GP6: variants seen among roughly 807,000 people sequenced by gnomAD.
GP6 encodes glycoprotein VI platelet, also known as platelet glycoprotein VI.
GP6 carries 45 observed loss-of-function variants against 37.3 expected under a neutral mutation model. That is an observed-to-expected ratio of 1.21 (90% CI 0.95 to 1.55). The LOEUF (loss-of-function observed/expected upper bound fraction) is 1.55. Ranked by LOEUF, GP6 falls within the 40% of genes most tolerant of loss-of-function variation. The probability of loss-of-function intolerance (pLI) is 0.00; values close to 1 mark genes in which losing one functional copy is unlikely to be tolerated. For synonymous variants in GP6, 340 were observed against 316.4 expected (o/e 1.07, Z -0.79); for missense variants, 813 against 760.2 (o/e 1.07, Z -0.82).
chr19:55,033,290 G>GGTGGACTCGTTCGTGTTGTGTTAGACACA (rs1568643273), intron 1 of GP6, among the ~76,000 whole-genome samples: 1 of 52,174 alleles, frequency 1.9e-5, no homozygotes. Context: ...TGTTAGACAC[G>GGTGGACTCGTTCGTGTTGTGTTAGACACA]GTGGACTCGT....
chr19:55,030,461 C>T (rs2074517042), intron 3 of GP6, among the ~76,000 whole-genome samples: 1 of 152,078 alleles, frequency 6.6e-6, no homozygotes, highest in African/African-American at 2.4e-5. Flanking sequence ...GCCTCAGCCT[C>T]CGGAGTAGCT....
At position 55,032,392 on chromosome 19, in the gene GP6, C is replaced by A. The variant is rs368522136; in HGVS notation, c.72G>T (p.Pro24=). The change falls in exon 3 of 8, where the codon CCG becomes CCT. Residue 24 remains proline (P), a synonymous_variant. Transcript: ENST00000310373. ...GAGCCTGGAGGGAGGGCTTGGGGAGCGGTCCTGGAAGAGGAGCAGGGCTGG... is the reference window on the plus strand; with the variant it reads ...GAGCCTGGAGGGAGGGCTTGGGGAGAGGTCCTGGAAGAGGAGCAGGGCTGG... 1 of 1,612,592 alleles carries A rather than the reference C, an allele frequency of 6.2e-7. No individual in the cohort carries two copies. The highest frequency in any genetic ancestry group is 8.5e-7 in the Non-Finnish European group (1 of 1,179,264).
chr19:55,018,122 CAT>C (rs2146721233), intron 6 of GP6, among the ~76,000 whole-genome samples: 1 of 152,222 alleles, frequency 6.6e-6, no homozygotes, highest in East Asian at 1.9e-4. Context: ...AAGCCAGAGT[CAT>C]GTGGGCCCAG....
intron 5 of GP6, among the ~76,000 whole-genome samples, chr19:55,019,771 G>A (rs2074010423): frequency 6.8e-6 from 1 of 147,236 alleles, no homozygotes; most frequent in Non-Finnish European, 1.5e-5. Flanking sequence ...TCTGCCTCCC[G>A]GGTTCACACC....
At position 55,014,791 on chromosome 19, in the gene GP6, G is replaced by A. The variant is rs2073793491; in HGVS notation, c.1154C>T (p.Ala385Val). ...CTCCCTGATGGAACACCAGGAGGAG[G>A]CAGCATGGCCTCGTTTCCACAGCTG... Residue 385 changes from alanine (A) to valine (V), a missense_variant, in exon 8 of 8, where the codon GCC becomes GTC. By Grantham distance (64) the Ala-to-Val change is moderately conservative. Transcript: ENST00000310373. The A allele has an allele frequency of 6.2e-7, 1 of 1,613,840 alleles. No individual in the cohort carries two copies. The highest frequency in any genetic ancestry group is 8.5e-7 in the Non-Finnish European group (1 of 1,179,900).
intron 5 of GP6, among the ~76,000 whole-genome samples, chr19:55,024,282 A>ACACATGCACGCATG (rs1471713548): frequency 1.4e-5 from 1 of 70,748 alleles, no homozygotes; most frequent in Admixed American, 1.3e-4. Context: ...GCATGCACAC[A>ACACATGCACGCATG]CACACATATG....
intron 5 of GP6, among the ~76,000 whole-genome samples, chr19:55,024,330 G>GCACGCA (rs1568613241): frequency 2.0e-4 from 7 of 35,768 alleles, no homozygotes; most frequent in African/African-American, 4.5e-4. Context: ...ACACACATAT[G>GCACGCA]CACGCACACA....
intron 5 of GP6, among the ~76,000 whole-genome samples, chr19:55,021,026 T>C (rs967920007): frequency 7.7e-6 from 1 of 129,328 alleles, no homozygotes; most frequent in Non-Finnish European, 1.6e-5. Context: ...CAATCCAGCC[T>C]GGGTGACAGA....
chr19:55,024,375 C>CACGCACAT (rs2074226228), intron 5 of GP6, among the ~76,000 whole-genome samples: 1 of 151,648 alleles, frequency 6.6e-6, no homozygotes, highest in African/African-American at 2.4e-5. Context: ...TGCACGCACA[C>CACGCACAT]AGTATGTGAC....
Position 55,014,080 on chromosome 19 carries a change from G to T in GP6, c.*2C>A. 1.6e-6 allele frequency: 1 copy of T among 644,110 alleles called. No individual in the cohort carries two copies. Among genetic ancestry groups the T allele is most frequent in the Non-Finnish European group, 2.9e-6 (1 of 348,286 alleles). 39.9% of individuals were successfully genotyped at this position (644,110 alleles called of 1,614,324 possible). A position where few individuals can be genotyped will look rare whatever the true frequency, so the allele number is the denominator to read the frequency against. On this transcript the variant is annotated 3_prime_UTR_variant, in exon 8 of 8. Coordinates refer to ENST00000310373, the MANE Select transcript of GP6 (RefSeq NM_001083899.2). ...GCAGTACATGTATACAACGTGCTAT[G>T]ATCAAATCAGGGTAATTGACATATT... is the stretch of plus-strand genomic sequence containing the variant.
intron 5 of GP6, among the ~76,000 whole-genome samples, chr19:55,024,379 A>C (rs1021878680): frequency 4.5e-5 from 1 of 22,258 alleles, no homozygotes; most frequent in Non-Finnish European, 1.5e-4. Context: ...CGCACACAGT[A>C]TGTGACCATC....
intron 5 of GP6, among the ~76,000 whole-genome samples, chr19:55,023,586 G>A (rs2074159270): frequency 1.3e-5 from 2 of 152,132 alleles, no homozygotes; most frequent in South Asian, 4.1e-4. Context: ...CTTCTGCCAT[G>A]ACTGTAAGCT....
chr19:55,034,278 C>T (rs139642672), intron 1 of GP6, among the ~76,000 whole-genome samples: 88 of 151,926 alleles, frequency 5.8e-4, no homozygotes, highest in Non-Finnish European at 8.7e-4. Flanking sequence ...CACCACTGGC[C>T]GGGCACGGTG....
At chr19:55,024,309 T>TACGCAC (rs2074206159) in intron 5 of GP6, among the ~76,000 whole-genome samples, 1 of 129,950 alleles carries the variant, frequency 7.7e-6, no homozygotes, top group Admixed American at 7.7e-5. Flanking sequence ...TGCACACACA[T>TACGCAC]ATGCACGCAC....
chr19:55,015,558 C>G, intron 7 of GP6, 125 bp downstream of exon 7: 1 of 728,364 alleles, frequency 1.4e-6, no homozygotes, highest in Non-Finnish European at 2.5e-6. Flanking sequence ...CGCTGATATT[C>G]TGCCTTTACT....
Position 55,019,627 on chromosome 19 carries a change from G to A in GP6, c.665-916C>T, listed in dbSNP as rs1430156122. Among the ~76,000 whole-genome samples, 6 of 151,578 alleles carry A rather than the reference G, an allele frequency of 4.0e-5. No individual in the cohort carries two copies. In the East Asian group the frequency reaches 1.2e-3, roughly 29 times the overall value. ...CTAGAGGAAGAATGAGCTCGTGTTA[G>A]CCTCAGAACACGGGATCTCCACCTT... On this transcript the variant is annotated intron_variant, in intron 5 of 7. Coordinates refer to ENST00000310373, the MANE Select transcript of GP6 (RefSeq NM_001083899.2).
At chr19:55,030,891 C>G (rs1339210514) in intron 3 of GP6, among the ~76,000 whole-genome samples, 2 of 152,084 alleles carry the variant, frequency 1.3e-5, no homozygotes, top group Admixed American at 6.6e-5. Flanking sequence ...CTCTGTCACC[C>G]AGGCTGGAGT....
intron 1 of GP6, among the ~76,000 whole-genome samples, chr19:55,033,330 T>C (rs572970230): frequency 1.3e-4 from 13 of 103,720 alleles, no homozygotes; most frequent in Non-Finnish European, 2.3e-4. Context: ...GTGGACTCGT[T>C]CGTGTTGTGT....
intron 5 of GP6, among the ~76,000 whole-genome samples, chr19:55,020,258 T>G (rs2074030557): frequency 6.6e-6 from 1 of 151,820 alleles, no homozygotes; most frequent in Non-Finnish European, 1.5e-5. Flanking sequence ...GTGCAGGACG[T>G]GCAGGTTTGT....
Sources: allele counts gnomAD v4.1 joint callset (sites outside exome capture counted in the v4.1 genomes callset), GRCh38; gene constraint gnomAD v4.1.1; transcripts MANE v1.5; gene names NCBI Gene and HGNC (gene_info 2026-07-23, HGNC 2026-07-21).